CYTIP: variants seen among roughly 807,000 people sequenced by gnomAD.
The protein encoded by CYTIP is cytohesin-interacting protein.
CYTIP carries 26 observed loss-of-function variants against 43.8 expected under a neutral mutation model. That is an observed-to-expected ratio of 0.59 (90% confidence interval 0.44 to 0.82). The LOEUF is 0.82. Among genes scored for constraint, CYTIP ranks in the 40% least tolerant of loss-of-function variants. The pLI, the probability that CYTIP is intolerant of heterozygous loss-of-function variation, is 0.00. For synonymous variants in CYTIP, 162 were observed against 162.9 expected, an observed-to-expected ratio of 0.99 and a Z score of 0.04; for missense variants, 426 against 443.1, an observed-to-expected ratio of 0.96 and a Z score of 0.35.
chr2:157,434,565 T>C (rs926673858), intron 2 of CYTIP, 133 bp downstream of exon 2: 1 of 862,374 alleles, frequency 1.2e-6, no homozygotes, highest in Non-Finnish European at 1.9e-6. Context: ...TCTGTGTGTG[T>C]GTCTGTGTGT....
chr2:157,437,576 T>C (rs1426123891), intron 1 of CYTIP, among the ~76,000 whole-genome samples: 1 of 151,828 alleles, frequency 6.6e-6, no homozygotes, highest in Non-Finnish European at 1.5e-5. Context: ...GGCAGGTGCC[T>C]GTAATCCCAG....
chr2:157,426,050 A>G (rs528612575), intron 6 of CYTIP, among the ~76,000 whole-genome samples: 1 of 152,146 alleles, frequency 6.6e-6, no homozygotes, highest in African/African-American at 2.4e-5. Flanking sequence ...TTATTATTAG[A>G]ATAAAGGGAG....
At chr2:157,422,697 C>T (rs1685541133) in intron 6 of CYTIP, among the ~76,000 whole-genome samples, 1 of 149,172 alleles carries the variant, frequency 6.7e-6, no homozygotes, top group Non-Finnish European at 1.5e-5. Context: ...AGAAAAGTGT[C>T]CAAAAAAGAC....
rs551384803 is a variant in CYTIP at position 157,436,508 on chromosome 2, A to T, written c.175-1761T>A. ...AAAAGTTTCTTATACCTCTATAAAT[A>T]AGGGCTTATATTTTTAAGGTATTAC... On this transcript the variant is annotated intron_variant, in intron 1 of 7. Transcript: ENST00000264192. Among the ~76,000 whole-genome samples the T allele has an allele frequency of 6.6e-5, 10 of 152,152 alleles. No individual in the cohort carries two copies. The South Asian group carries it at 2.1e-3, about 32-fold the overall frequency.
chr2:157,429,891 T>C (rs1311467899), intron 5 of CYTIP, among the ~76,000 whole-genome samples: 5 of 151,716 alleles, frequency 3.3e-5, no homozygotes, highest in African/African-American at 9.7e-5. Flanking sequence ...GGCATGGTGG[T>C]GGGCGCCTGT....
chr2:157,437,649 G>C (rs1317345704), intron 1 of CYTIP, among the ~76,000 whole-genome samples: 1 of 140,096 alleles, frequency 7.1e-6, no homozygotes, highest in Admixed American at 7.8e-5. Flanking sequence ...GCAGTGAGCT[G>C]AGATCATGCC....
In CYTIP at chr2:157,415,445, A is replaced by G. The variant is rs1327481043; in HGVS notation, c.*232T>C. On this transcript the variant is annotated 3_prime_UTR_variant, in exon 8 of 8. Transcript: ENST00000264192. ...ATGAGCAGGAACCTGCATCTTTGTT[A>G]TATTAATTAACTTATTATTTAGTTT... 4.5e-6 allele frequency: 2 copies of G among 444,514 alleles called. No individual in the cohort carries two copies. The highest frequency in any genetic ancestry group is 4.1e-6 in the Non-Finnish European group (1 of 245,996). 27.5% of individuals were successfully genotyped at this position (444,514 alleles called of 1,614,324 possible). A position where few individuals can be genotyped will look rare whatever the true frequency, so the allele number is the denominator to read the frequency against.
At chr2:157,436,449 G>A (rs916209897) in intron 1 of CYTIP, among the ~76,000 whole-genome samples, 12 of 152,024 alleles carry the variant, frequency 7.9e-5, no homozygotes, top group Non-Finnish European at 1.3e-4. Flanking sequence ...GCCAAATTAC[G>A]TAATGATAAC....
intron 6 of CYTIP, among the ~76,000 whole-genome samples, chr2:157,424,963 T>C (rs80332722): frequency 0.016 from 2,437 of 152,118 alleles, 59 homozygotes; most frequent in African/African-American, 0.056. Context: ...ACAAAATAAA[T>C]GGTACTGGAA....
At chr2:157,425,147 G>A (rs12614885) in intron 6 of CYTIP, among the ~76,000 whole-genome samples, 3,038 of 152,170 alleles carry the variant, frequency 0.02, 67 homozygotes, top group African/African-American at 0.061. Context: ...CTCTCTCATA[G>A]ACAAAAATAT....
intron 1 of CYTIP, among the ~76,000 whole-genome samples, chr2:157,436,044 G>C (rs774257301): frequency 6.6e-6 from 1 of 152,180 alleles, no homozygotes; most frequent in Non-Finnish European, 1.5e-5. Flanking sequence ...ACGTAATGGA[G>C]AGGTGGTCTC....
chr2:157,424,914 A>G (rs1411069994), intron 6 of CYTIP, among the ~76,000 whole-genome samples: 3 of 152,120 alleles, frequency 2.0e-5, no homozygotes, highest in Non-Finnish European at 4.4e-5. Flanking sequence ...TTAAAAATAG[A>G]GGTTTTACTG....
chr2:157,442,865 A>C (rs1166347903), intron 1 of CYTIP, among the ~76,000 whole-genome samples: 1 of 152,214 alleles, frequency 6.6e-6, no homozygotes, highest in Non-Finnish European at 1.5e-5. Context: ...GCAAGACTTA[A>C]GCGCAAAAAT....
At chr2:157,420,652 A>C (rs971637022) in intron 6 of CYTIP, among the ~76,000 whole-genome samples, 29 of 4,452 alleles carry the variant, frequency 6.5e-3, no homozygotes, top group Admixed American at 0.013. Context: ...CCCTGCCACA[A>C]AAAAAAAAAA....
intron 1 of CYTIP, among the ~76,000 whole-genome samples, chr2:157,442,765 A>G (rs891348685): frequency 6.6e-6 from 1 of 152,198 alleles, no homozygotes; most frequent in African/African-American, 2.4e-5. Flanking sequence ...GCTATTATAC[A>G]TCACTGAAAA....
At position 157,427,359 on chromosome 2, in the gene CYTIP, C is replaced by G; in HGVS notation, c.538G>C (p.Val180Leu). The G allele has an allele frequency of 6.2e-7, 1 of 1,609,500 alleles. No homozygotes were observed. ...KRTELEAKLQ[V>L]LKQTLKQKWV... Reference sequence around the variant, plus strand: ...GCATTAAATTAAATTACCTTTAAAACCTGCAGCTTTGCTTCAAGCTCCGTT... The same window carrying G: ...GCATTAAATTAAATTACCTTTAAAAGCTGCAGCTTTGCTTCAAGCTCCGTT... Residue 180 changes from valine to leucine, a missense_variant, in exon 6 of 8, where the codon GTT becomes CTT. By Grantham distance (32) the Val-to-Leu change is conservative. Coordinates refer to ENST00000264192, the MANE Select transcript of CYTIP (RefSeq NM_004288.5).
At chr2:157,426,190 T>C (rs1685604649) in intron 6 of CYTIP, among the ~76,000 whole-genome samples, 1 of 151,916 alleles carries the variant, frequency 6.6e-6, no homozygotes, top group African/African-American at 2.4e-5. Flanking sequence ...TATGTAAAAA[T>C]ATAGGAAGAT....
chr2:157,428,654 C>T (rs766475598), intron 5 of CYTIP, among the ~76,000 whole-genome samples: 2 of 152,210 alleles, frequency 1.3e-5, no homozygotes, highest in African/African-American at 2.4e-5. Flanking sequence ...CCCTCTTCAC[C>T]CATGTGGAAC....
rs148213749 is a variant in CYTIP at position 157,430,522 on chromosome 2, C to T, written c.476+37G>A. On this transcript the variant is annotated intron_variant, in intron 5 of 7. Transcript: ENST00000264192. The stretch of plus-strand genomic sequence containing the variant: ...CATCAGGCTTTATGAGAAAACATAA[C>T]ATTTTGAAGCCCCACGGGAACTAGA... 2.6e-5 allele frequency: 41 copies of T among 1,565,308 alleles called. No individual in the cohort carries two copies. In the African/African-American group the frequency reaches 4.9e-4, roughly 19 times the overall value.
Sources: allele counts gnomAD v4.1 joint callset (sites outside exome capture counted in the v4.1 genomes callset), GRCh38; gene constraint gnomAD v4.1.1; transcripts MANE v1.5; gene names NCBI Gene and HGNC (gene_info 2026-07-23, HGNC 2026-07-21).